The following ATF7IP2 variants were observed in gnomAD, a reference collection of about 807,000 sequenced individuals.
ATF7IP2 encodes activating transcription factor 7 interacting protein 2.
In ATF7IP2, 42 loss-of-function variants were observed where a neutral mutation model predicts 64.2. The ratio of observed to expected loss-of-function variants is 0.65; its 90% CI spans 0.51 to 0.85. The LOEUF (loss-of-function observed/expected upper bound fraction) is 0.85, where lower values mean the gene tolerates loss of function less well. Among genes scored for constraint, ATF7IP2 ranks in the 40% least tolerant of loss-of-function variants. The pLI is 0.00. For synonymous variants in ATF7IP2, 308 were observed against 272.8 expected (o/e 1.13, Z -1.27); for missense variants, 933 against 784.2 (o/e 1.19, Z -2.27).
intron 1 of ATF7IP2, among the ~76,000 whole-genome samples, chr16:10,410,722 C>CAG (rs1176147732): frequency 6.6e-6 from 1 of 152,128 alleles, no homozygotes; most frequent in Non-Finnish European, 1.5e-5. Context: ...CTGCGCCTGG[C>CAG]CTATGTTGGC....
At chr16:10,411,063 C>T (rs1268881008) in intron 1 of ATF7IP2, among the ~76,000 whole-genome samples, 1 of 152,154 alleles carries the variant, frequency 6.6e-6, no homozygotes, top group Non-Finnish European at 1.5e-5. Flanking sequence ...TGGTATGAAA[C>T]CCACTTGATC....
At chr16:10,430,450 G>T (rs954314229) in intron 4 of ATF7IP2, 161 bp from the exon 5 acceptor site, 1 of 553,896 alleles carries the variant, frequency 1.8e-6, no homozygotes, top group African/African-American at 1.9e-5. Context: ...TATGTTTTCA[G>T]TGTCATGAAA....
chr16:10,440,558 G>A (rs1189396390), intron 8 of ATF7IP2, 96 bp downstream of exon 8: 1 of 737,322 alleles, frequency 1.4e-6, no homozygotes, highest in Non-Finnish European at 2.2e-6. Flanking sequence ...AGGACAGAAG[G>A]TGTAAAGGTA....
At chr16:10,411,145 G>A (rs1187584294) in intron 1 of ATF7IP2, among the ~76,000 whole-genome samples, 1 of 152,110 alleles carries the variant, frequency 6.6e-6, no homozygotes, top group Admixed American at 6.6e-5. Context: ...TTGCATCTAA[G>A]TTCATCAGGG....
At chr16:10,439,268 C>T (rs1004610290) in intron 7 of ATF7IP2, among the ~76,000 whole-genome samples, 13 of 151,920 alleles carry the variant, frequency 8.6e-5, no homozygotes, top group South Asian at 4.1e-4. Context: ...CTCGCTCTGT[C>T]GCCCAGGCTG....
intron 1 of ATF7IP2, among the ~76,000 whole-genome samples, chr16:10,397,560 T>C (rs1390482093): frequency 1.3e-5 from 2 of 152,202 alleles, no homozygotes; most frequent in Admixed American, 1.3e-4. Context: ...CATTCCAGCC[T>C]GGGCCACAGA....
At position 10,433,610 on chromosome 16, in the gene ATF7IP2, T is replaced by G; in HGVS notation, c.921T>G (p.Ile307Met). Reference protein sequence around the residue: ...MKTSEQINENICVSLERQTAF... With the variant: ...MKTSEQINENMCVSLERQTAF... Reference sequence around the variant, plus strand: ...CTTCAGAGCAAATTAATGAAAATATTTGTGTAAGTTTGGAAAGGCAAACAG... The same window carrying G: ...CTTCAGAGCAAATTAATGAAAATATGTGTGTAAGTTTGGAAAGGCAAACAG... Residue 307 changes from isoleucine to methionine, a missense_variant, in exon 6 of 14, where the codon ATT becomes ATG. Coordinates refer to ENST00000562102, the MANE Select transcript of ATF7IP2 (RefSeq NM_001393719.1). 6.2e-7 allele frequency: 1 copy of G among 1,613,780 alleles called. No individual in the cohort carries two copies. The highest frequency in any genetic ancestry group is 1.3e-5 in the African/African-American group (1 of 75,026).
At chr16:10,468,941 G>T (rs1220456238) in intron 9 of ATF7IP2, among the ~76,000 whole-genome samples, 1 of 152,130 alleles carries the variant, frequency 6.6e-6, no homozygotes, top group East Asian at 1.9e-4. Flanking sequence ...TAGTCCCAGA[G>T]ACTGCAAAGA....
chr16:10,409,674 C>G (rs951240722), intron 1 of ATF7IP2, among the ~76,000 whole-genome samples: 2 of 152,214 alleles, frequency 1.3e-5, no homozygotes, highest in Non-Finnish European at 1.5e-5. Flanking sequence ...ATCCGCCCGC[C>G]TGGGCCTCCC....
intron 7 of ATF7IP2, 58 bp downstream of exon 7, chr16:10,438,293 T>C: frequency 3.3e-6 from 5 of 1,524,052 alleles, no homozygotes; most frequent in Non-Finnish European, 4.4e-6. Context: ...TGTTGCTCTG[T>C]TGCTCAGGCT....
At chr16:10,406,832 A>G (rs1466826731) in intron 1 of ATF7IP2, among the ~76,000 whole-genome samples, 2 of 152,214 alleles carry the variant, frequency 1.3e-5, no homozygotes, top group African/African-American at 4.8e-5. Flanking sequence ...TCTACTGAAC[A>G]TTTAAAGAAG....
At chr16:10,401,955 G>A (rs1414692461) in intron 1 of ATF7IP2, among the ~76,000 whole-genome samples, 1 of 151,904 alleles carries the variant, frequency 6.6e-6, no homozygotes, top group East Asian at 1.9e-4. Flanking sequence ...CAGCTGTAAG[G>A]TGTCCTTCTT....
intron 7 of ATF7IP2, 132 bp downstream of exon 7, chr16:10,438,367 C>T (rs1210131002): frequency 1.1e-6 from 1 of 912,366 alleles, no homozygotes; most frequent in Non-Finnish European, 1.5e-6. Context: ...ACCTCAGTCT[C>T]CAGAGTAGCT....
At chr16:10,437,842 T>G (rs113459920) in intron 6 of ATF7IP2, among the ~76,000 whole-genome samples, 1 of 152,238 alleles carries the variant, frequency 6.6e-6, no homozygotes, top group Non-Finnish European at 1.5e-5. Flanking sequence ...AGTGGAACTA[T>G]AGGAAACTAA....
chr16:10,423,908 C>A (rs1190025591), intron 3 of ATF7IP2, among the ~76,000 whole-genome samples: 1 of 152,284 alleles, frequency 6.6e-6, no homozygotes, highest in South Asian at 2.1e-4. Context: ...CCATGTTCTC[C>A]AGTCATTGTT....
Position 10,482,945 on chromosome 16 carries a change from C to A in ATF7IP2, c.*696C>A, listed in dbSNP as rs183599175. 6.6e-6 allele frequency: 1 copy of A among 152,198 alleles called. No homozygotes were observed. Among genetic ancestry groups the A allele is most frequent in the Non-Finnish European group, 1.5e-5 (1 of 68,052 alleles). The allele number at this position is 152,198 out of a possible 1,614,324, so 9.4% of individuals were successfully genotyped here. Reference sequence around the variant, plus strand: ...GTCAGGCTGGTCTCAAACTCCTGACCTCAGGGGATCCACCCGCCTCGGCCT... The same window carrying A: ...GTCAGGCTGGTCTCAAACTCCTGACATCAGGGGATCCACCCGCCTCGGCCT... On this transcript the variant is annotated 3_prime_UTR_variant, in exon 14 of 14. Coordinates refer to ENST00000562102, the MANE Select transcript of ATF7IP2 (RefSeq NM_001393719.1).
chr16:10,392,839 T>A (rs2047353722), intron 1 of ATF7IP2, among the ~76,000 whole-genome samples: 1 of 145,256 alleles, frequency 6.9e-6, no homozygotes, highest in African/African-American at 2.6e-5. Flanking sequence ...AAAAAAAAAA[T>A]TAGCTGGGTG....
intron 1 of ATF7IP2, among the ~76,000 whole-genome samples, chr16:10,392,731 C>G (rs2047350926): frequency 6.6e-6 from 1 of 151,732 alleles, no homozygotes; most frequent in Admixed American, 6.6e-5. Context: ...CATAAATTGT[C>G]TAATGTCAGC....
chr16:10,392,244 G>A (rs1444768540), intron 1 of ATF7IP2, among the ~76,000 whole-genome samples: 1 of 151,592 alleles, frequency 6.6e-6, no homozygotes, highest in African/African-American at 2.4e-5. Flanking sequence ...TCGCCATGTT[G>A]GTCAGGCTGG....
Sources: allele counts gnomAD v4.1 joint callset (sites outside exome capture counted in the v4.1 genomes callset), GRCh38; gene constraint gnomAD v4.1.1; transcripts MANE v1.5; gene names NCBI Gene and HGNC (gene_info 2026-07-23, HGNC 2026-07-21).